Variants in RABGAP1 observed in about 807,000 individuals in gnomAD.
RABGAP1 encodes the protein RAB GTPase activating protein 1.
In RABGAP1, 23 loss-of-function variants were observed where a neutral mutation model predicts 137.6. The observed-to-expected ratio is 0.17, with a 90% CI of 0.12 to 0.24. The LOEUF (loss-of-function observed/expected upper bound fraction) is 0.24, where lower values mean the gene tolerates loss of function less well. Among genes scored for constraint, RABGAP1 ranks in the 10% least tolerant of loss-of-function variants. The pLI is 1.00. For missense variants in RABGAP1, 906 were observed against 1,275.8 expected, an observed-to-expected ratio of 0.71 and a Z score of 4.42; for synonymous variants, 451 against 450.7, an observed-to-expected ratio of 1.00 and a Z score of -0.01.
chr9:122,984,488 G>T lies in RABGAP1; in HGVS notation c.154G>T (p.Val52Leu). The change falls in exon 3 of 26, where the codon GTA becomes TTA. Residue 52 changes from valine (V) to leucine (L), a missense_variant. Transcript: ENST00000373647. ...SDDEKTGLKI[V>L]GNGSEQQLQK... ...TGCATGTATTTGTGACCCTTAGATTGTAGGGAATGGAAGTGAACAGCAGCT... is the reference window on the plus strand; with the variant it reads ...TGCATGTATTTGTGACCCTTAGATTTTAGGGAATGGAAGTGAACAGCAGCT... The T allele has an allele frequency of 6.2e-7, 1 of 1,613,100 alleles. No homozygotes were observed. The highest frequency in any genetic ancestry group is 8.5e-7 in the Non-Finnish European group (1 of 1,179,432).
At chr9:123,098,106 T>C (rs759309120) in intron 22 of RABGAP1, among the ~76,000 whole-genome samples, 1 of 151,760 alleles carries the variant, frequency 6.6e-6, no homozygotes, top group Non-Finnish European at 1.5e-5. Context: ...GAAGAGGGGG[T>C]AGAATTCCTG....
chr9:123,006,756 C>T (rs892810382), intron 10 of RABGAP1, among the ~76,000 whole-genome samples: 7 of 151,618 alleles, frequency 4.6e-5, no homozygotes, highest in African/African-American at 1.5e-4. Flanking sequence ...TACAGGGTTG[C>T]ACCACCACGC....
intron 6 of RABGAP1, among the ~76,000 whole-genome samples, chr9:122,991,548 G>A (rs1836720255): frequency 6.6e-6 from 1 of 151,052 alleles, no homozygotes; most frequent in Middle Eastern, 3.2e-3. Flanking sequence ...GAGGAGTAAA[G>A]TATGACTCAT....
the RABGAP1 span, among the ~76,000 whole-genome samples, chr9:122,933,627 A>G: frequency 6.6e-6 from 1 of 151,288 alleles, no homozygotes; most frequent in Non-Finnish European, 1.5e-5. Context: ...TACTTTTTGT[A>G]AATTATTATT....
At chr9:123,079,234 GTTTTGTTT>G (rs1564181658) in intron 19 of RABGAP1, among the ~76,000 whole-genome samples, 14 of 142,512 alleles carry the variant, frequency 9.8e-5, no homozygotes, top group South Asian at 8.7e-4. Flanking sequence ...TTTTTGTTTT[GTTTTGTTT>G]TTTTTTTTTT....
At chr9:122,963,246 TA>T (rs1014332802) in intron 2 of RABGAP1, among the ~76,000 whole-genome samples, 8 of 151,600 alleles carry the variant, frequency 5.3e-5, no homozygotes, top group African/African-American at 1.2e-4. Flanking sequence ...CCGTCTCATT[TA>T]AAAAAAAATT....
chr9:123,036,055 C>T (rs542930943), intron 13 of RABGAP1, among the ~76,000 whole-genome samples: 6 of 152,038 alleles, frequency 3.9e-5, no homozygotes, highest in African/African-American at 7.2e-5. Context: ...TTTCTTCTAA[C>T]GGAATAGTAA....
intron 10 of RABGAP1, among the ~76,000 whole-genome samples, chr9:123,004,543 A>G (rs117633453): frequency 0.01 from 1,557 of 152,228 alleles, 5 homozygotes; most frequent in Non-Finnish European, 0.015. Context: ...TCAGCCTCCC[A>G]AAGTGCTGAG....
At chr9:123,046,975 A>C (rs2033234348) in intron 13 of RABGAP1, among the ~76,000 whole-genome samples, 2 of 152,222 alleles carry the variant, frequency 1.3e-5, no homozygotes, top group African/African-American at 4.8e-5. Context: ...TTATTTGCAG[A>C]ACTAGGACTA....
intron 13 of RABGAP1, chr9:123,034,989 T>TA: frequency 6.2e-7 from 1 of 1,613,862 alleles, no homozygotes; most frequent in Non-Finnish European, 8.5e-7. Flanking sequence ...ATACTCTGGT[T>TA]ACACCCTGGA....
chr9:123,084,677 C>T (rs2034813641), intron 19 of RABGAP1, among the ~76,000 whole-genome samples: 1 of 152,200 alleles, frequency 6.6e-6, no homozygotes, highest in Admixed American at 6.5e-5. Flanking sequence ...TCTCTTGATT[C>T]AGGACGGGAT....
intron 21 of RABGAP1, among the ~76,000 whole-genome samples, chr9:123,096,040 G>A (rs2035172795): frequency 6.6e-6 from 1 of 152,198 alleles, no homozygotes; most frequent in Non-Finnish European, 1.5e-5. Flanking sequence ...GTTCTGTTGT[G>A]AGTGGAGTGT....
intron 13 of RABGAP1, among the ~76,000 whole-genome samples, chr9:123,028,407 G>T (rs894409078): frequency 5.3e-5 from 8 of 152,176 alleles, no homozygotes; most frequent in Admixed American, 4.6e-4. Context: ...AGTTGCATGG[G>T]AGTTGTAGAA....
chr9:123,079,239 G>GTTTTTTTTTT (rs56098560), intron 19 of RABGAP1, among the ~76,000 whole-genome samples: 4 of 106,676 alleles, frequency 3.7e-5, no homozygotes, highest in African/African-American at 8.7e-5. Context: ...GTTTTGTTTT[G>GTTTTTTTTTT]TTTTTTTTTT....
At chr9:122,994,108 C>A (rs971329529) in intron 6 of RABGAP1, among the ~76,000 whole-genome samples, 1 of 152,214 alleles carries the variant, frequency 6.6e-6, no homozygotes, top group Non-Finnish European at 1.5e-5. Context: ...GCCTGTACTT[C>A]AGTTTCTTAT....
chr9:123,061,261 G>A (rs1236578223), intron 13 of RABGAP1, among the ~76,000 whole-genome samples: 1 of 152,158 alleles, frequency 6.6e-6, no homozygotes, highest in Non-Finnish European at 1.5e-5. Context: ...TAAGACAGGT[G>A]TATGCCAGCA....
intron 21 of RABGAP1, among the ~76,000 whole-genome samples, chr9:123,095,425 G>A (rs912444670): frequency 6.6e-6 from 1 of 152,050 alleles, no homozygotes; most frequent in Non-Finnish European, 1.5e-5. Context: ...TCTCAGCCAG[G>A]CACAATGGCT....
intron 1 of RABGAP1, among the ~76,000 whole-genome samples, chr9:122,944,914 C>A (rs865890484): frequency 1.3e-5 from 2 of 151,796 alleles, no homozygotes; most frequent in African/African-American, 4.8e-5. Flanking sequence ...CTTCAGGGAT[C>A]GTTCCTATAG....
chr9:123,035,442 T>G (rs1313786023), intron 13 of RABGAP1: 2 of 1,614,086 alleles, frequency 1.2e-6, no homozygotes, highest in East Asian at 4.5e-5. Context: ...CCACCTGGCT[T>G]GCTATTAGTA....
Sources: gnomAD v4.1 joint callset for allele counts (sites outside exome capture counted in the v4.1 genomes callset) on GRCh38, gnomAD v4.1.1 for gene constraint, MANE v1.5 for transcripts, NCBI Gene and HGNC (gene_info 2026-07-23, HGNC 2026-07-21) for gene names.